Variants in GTF2E2 observed in about 807,000 individuals in gnomAD.
The protein encoded by GTF2E2 is transcription initiation factor IIE subunit beta.
A neutral mutation model predicts 40.5 loss-of-function variants in GTF2E2; 21 were observed. The observed-to-expected ratio is 0.52, with a 90% CI of 0.37 to 0.75. GTF2E2 has a LOEUF of 0.75. Among genes scored for constraint, GTF2E2 ranks in the 30% least tolerant of loss-of-function variants. The pLI is 0.00. For missense variants in GTF2E2, 298 were observed against 338.4 expected, an observed-to-expected ratio of 0.88 and a Z score of 0.94; for synonymous variants, 117 against 121.6, an observed-to-expected ratio of 0.96 and a Z score of 0.25.
rs181601606 is a variant in GTF2E2, at chr8:30,584,007, C to T, written c.644-3611G>A. Reference sequence around the variant, plus strand: ...TTTTTTAGTAGAGACAGGGTTTCACCGTGTTATCCAGGATGGTCTCGATCT... The same window carrying T: ...TTTTTTAGTAGAGACAGGGTTTCACTGTGTTATCCAGGATGGTCTCGATCT... On this transcript the variant is annotated intron_variant, in intron 6 of 7. Transcript: ENST00000355904. Among the ~76,000 whole-genome samples, 6 of 150,084 alleles carry T rather than the reference C, an allele frequency of 4.0e-5. No homozygotes were observed. The East Asian group carries it at 9.7e-4, about 24-fold the overall frequency.
chr8:30,650,527 C>A (rs1199631352), intron 2 of GTF2E2, among the ~76,000 whole-genome samples: 59 of 129,414 alleles, frequency 4.6e-4, no homozygotes, highest in South Asian at 5.1e-4. Context: ...CCATCTCTAC[C>A]AAAAAAAAAA....
At chr8:30,646,908 A>G (rs1210258387) in intron 2 of GTF2E2, among the ~76,000 whole-genome samples, 2 of 132,282 alleles carry the variant, frequency 1.5e-5, no homozygotes, top group African/African-American at 5.6e-5. Context: ...TGAACCCAGG[A>G]GGCAGAGGTT....
intron 6 of GTF2E2, among the ~76,000 whole-genome samples, chr8:30,588,389 C>A (rs1828743974): frequency 6.6e-6 from 1 of 152,064 alleles, no homozygotes; most frequent in East Asian, 1.9e-4. Context: ...ATTCTATTAG[C>A]CTTAAAAAAG....
At chr8:30,611,763 C>G (rs1325504457) in intron 5 of GTF2E2, among the ~76,000 whole-genome samples, 1 of 152,144 alleles carries the variant, frequency 6.6e-6, no homozygotes, top group African/African-American at 2.4e-5. Context: ...AATGAATGAA[C>G]CTGCTTAACA....
intron 3 of GTF2E2, among the ~76,000 whole-genome samples, chr8:30,629,021 T>C (rs1801363349): frequency 6.6e-6 from 1 of 152,214 alleles, no homozygotes; most frequent in South Asian, 2.1e-4. Context: ...TAACTTACAC[T>C]AATTAATTTT....
chr8:30,606,891 T>A (rs1332078010), intron 6 of GTF2E2, among the ~76,000 whole-genome samples, 166 bp downstream of exon 6: 1 of 152,208 alleles, frequency 6.6e-6, no homozygotes, highest in African/African-American at 2.4e-5. Context: ...AATTGCATTC[T>A]AAGCAACAAT....
chr8:30,648,874 C>T (rs1802185767), intron 2 of GTF2E2, among the ~76,000 whole-genome samples: 1 of 152,150 alleles, frequency 6.6e-6, no homozygotes, highest in Admixed American at 6.5e-5. Context: ...TTTATCCTAC[C>T]CTGACTGTTA....
In GTF2E2 at chr8:30,593,811, C is replaced by T. The variant is rs1371844449; in HGVS notation, c.643+13246G>A. Among the ~76,000 whole-genome samples the T allele has an allele frequency of 3.9e-5, 6 of 152,178 alleles. No homozygotes were observed. The South Asian group carries it at 1.0e-3, about 26-fold the overall frequency. On this transcript the variant is annotated intron_variant, in intron 6 of 7. Coordinates refer to ENST00000355904, the MANE Select transcript of GTF2E2 (RefSeq NM_002095.6). ...TCCTTCTTTAATCCTTGGTAATTTT[C>T]CTGGCTCTGAAATCTACTCTGTCTG... is the stretch of plus-strand genomic sequence containing the variant.
intron 3 of GTF2E2, among the ~76,000 whole-genome samples, chr8:30,634,386 T>C (rs1801521649): frequency 6.6e-6 from 1 of 151,928 alleles, no homozygotes; most frequent in African/African-American, 2.4e-5. Context: ...AGTTCAAGGC[T>C]GCAGTGAGCT....
intron 6 of GTF2E2, among the ~76,000 whole-genome samples, chr8:30,591,009 T>C (rs1221794208): frequency 1.3e-5 from 2 of 152,090 alleles, no homozygotes; most frequent in Non-Finnish European, 2.9e-5. Flanking sequence ...AAAACTTTTA[T>C]ACCTCATAAG....
intron 1 of GTF2E2, among the ~76,000 whole-genome samples, chr8:30,654,275 GA>G (rs553388296): frequency 2.8e-4 from 42 of 151,910 alleles, no homozygotes; most frequent in Admixed American, 4.6e-4. Context: ...TTAGTATAAA[GA>G]AAAAAACTAT....
intron 5 of GTF2E2, among the ~76,000 whole-genome samples, chr8:30,609,140 T>C (rs1306267953): frequency 1.3e-5 from 2 of 151,632 alleles, no homozygotes; most frequent in Non-Finnish European, 2.9e-5. Flanking sequence ...GTGGCAGGTG[T>C]CTGTAATCCC....
rs1801085188 is a variant in GTF2E2 at position 30,621,012 on chromosome 8, C to T, written c.259-6297G>A. ...TTTTGGATATATGGATCTGGAAGCA[C>T]ATAGCCTAAACTAGAAGGAATAATG... On this transcript the variant is annotated intron_variant, in intron 3 of 7. Coordinates refer to ENST00000355904, the MANE Select transcript of GTF2E2 (RefSeq NM_002095.6). Among the ~76,000 whole-genome samples the T allele has an allele frequency of 5.3e-5, 8 of 151,706 alleles. 1 individual carries two copies. Among genetic ancestry groups the T allele is most frequent in the Admixed American group, 5.3e-4 (8 of 15,236 alleles).
intron 2 of GTF2E2, chr8:30,645,738 G>A (rs4733502): frequency 0.22 from 178,760 of 804,166 alleles, 20,921 homozygotes; most frequent in East Asian, 0.41. Context: ...GGAAAAAAAA[G>A]TTAAACATGC....
At chr8:30,612,711 G>A (rs1185010389) in intron 4 of GTF2E2, among the ~76,000 whole-genome samples, 2 of 151,770 alleles carry the variant, frequency 1.3e-5, no homozygotes, top group Non-Finnish European at 2.9e-5. Context: ...CACACCCAGC[G>A]AATTTTTGTA....
intron 6 of GTF2E2, among the ~76,000 whole-genome samples, chr8:30,599,556 G>A (rs1829112224): frequency 7.1e-6 from 1 of 141,342 alleles, no homozygotes; most frequent in Non-Finnish European, 1.5e-5. Flanking sequence ...TCCAGCCTGG[G>A]CAACAGAGCG....
Position 30,635,094 on chromosome 8 carries a change from C to A in GTF2E2, c.196G>T (p.Ala66Ser), listed in dbSNP as rs879790610. ...TTATATCCAGAGCTTCCTGACAAAG[C>A]TTTCAAGTTAAATGATCCATTGCTA... is the stretch of plus-strand genomic sequence containing the variant. Reference protein sequence around the residue: ...DHSNGSFNLKALSGSSGYKFG... With the variant: ...DHSNGSFNLKSLSGSSGYKFG... Residue 66 changes from alanine (A) to serine (S), a missense_variant, in exon 3 of 8, where the codon GCT (alanine) becomes TCT (serine). Physicochemically the swap from Ala to Ser is moderately conservative, Grantham distance 99. Transcript: ENST00000355904. 2 of 1,607,316 alleles carry A rather than the reference C, an allele frequency of 1.2e-6. No homozygotes were observed. Among genetic ancestry groups the A allele is most frequent in the African/African-American group, 1.3e-5 (1 of 74,730 alleles).
intron 3 of GTF2E2, among the ~76,000 whole-genome samples, chr8:30,623,814 C>T (rs956205372): frequency 6.6e-5 from 10 of 152,058 alleles, no homozygotes; most frequent in Non-Finnish European, 1.0e-4. Flanking sequence ...TAAATGTCTT[C>T]TTTTGAGATG....
intron 6 of GTF2E2, among the ~76,000 whole-genome samples, chr8:30,587,044 T>C (rs915865248): frequency 6.6e-6 from 1 of 152,162 alleles, no homozygotes; most frequent in African/African-American, 2.4e-5. Flanking sequence ...CATGGCAAAG[T>C]AAACAGACTG....
Sources: gnomAD v4.1 joint callset for allele counts (sites outside exome capture counted in the v4.1 genomes callset) on GRCh38, gnomAD v4.1.1 for gene constraint, MANE v1.5 for transcripts, NCBI Gene and HGNC (gene_info 2026-07-23, HGNC 2026-07-21) for gene names.